Variants in DRC3 observed in about 807,000 individuals in gnomAD.
The protein encoded by DRC3 is dynein regulatory complex subunit 3.
Under a neutral mutation model 57.6 loss-of-function variants are expected in DRC3, and 45 were observed. The observed-to-expected ratio is 0.78, with a 90% CI of 0.62 to 1.00. The LOEUF (loss-of-function observed/expected upper bound fraction) is 1.00. Ranked by LOEUF, DRC3 falls within the 50% of genes least tolerant of loss-of-function variation. DRC3 has a pLI of 0.00. For synonymous variants in DRC3, 257 were observed against 272.3 expected, an observed-to-expected ratio of 0.94 and a Z score of 0.55; for missense variants, 655 against 675.2, an observed-to-expected ratio of 0.97 and a Z score of 0.33.
At chr17:17,998,085 C>G (rs1476382128) in intron 9 of DRC3, among the ~76,000 whole-genome samples, 1 of 152,174 alleles carries the variant, frequency 6.6e-6, no homozygotes, top group African/African-American at 2.4e-5. Flanking sequence ...TGGTTCCTGC[C>G]CTTGTGGGGC....
intron 3 of DRC3, 170 bp downstream of exon 3, chr17:17,977,928 C>A: frequency 1.7e-6 from 1 of 588,092 alleles, no homozygotes; most frequent in Non-Finnish European, 2.9e-6. Flanking sequence ...GTTTGTAAAG[C>A]GTCATACTTA....
At chr17:17,992,302 A>G (rs1006831119) in intron 5 of DRC3, among the ~76,000 whole-genome samples, 2 of 152,264 alleles carry the variant, frequency 1.3e-5, no homozygotes, top group African/African-American at 4.8e-5. Flanking sequence ...TAAATTTAAA[A>G]GATTTTTAAA....
At chr17:18,012,518 T>TA (rs1369209734) in intron 12 of DRC3, among the ~76,000 whole-genome samples, 3 of 151,942 alleles carry the variant, frequency 2.0e-5, no homozygotes, top group Non-Finnish European at 4.4e-5. Flanking sequence ...CACCTCTCTA[T>TA]AAAAAATACA....
chr17:18,006,405 G>A (rs1467847163), intron 11 of DRC3, 152 bp downstream of exon 11: 5 of 627,656 alleles, frequency 8.0e-6, no homozygotes, highest in African/African-American at 1.8e-5. Flanking sequence ...TGGTTTGGAT[G>A]CCCAGAGGGA....
At chr17:17,977,878 A>G in intron 3 of DRC3, 120 bp downstream of exon 3, 1 of 1,007,696 alleles carries the variant, frequency 9.9e-7, no homozygotes, top group Non-Finnish European at 1.4e-6. Context: ...CATCAGCATT[A>G]GGGCCTACCT....
At chr17:17,996,221 T>C (rs955603369) in intron 8 of DRC3, among the ~76,000 whole-genome samples, 1 of 152,184 alleles carries the variant, frequency 6.6e-6, no homozygotes, top group African/African-American at 2.4e-5. Flanking sequence ...GGTTTCACTA[T>C]GTTGGTCAGG....
At chr17:18,009,909 G>C (rs916878038) in intron 12 of DRC3, among the ~76,000 whole-genome samples, 1 of 152,190 alleles carries the variant, frequency 6.6e-6, no homozygotes, top group African/African-American at 2.4e-5. Flanking sequence ...AAAGCAGAAC[G>C]TACATGCTGA....
chr17:18,004,286 AC>A, intron 9 of DRC3, 76 bp from the exon 10 acceptor site: 1 of 1,511,762 alleles, frequency 6.6e-7, no homozygotes, highest in East Asian at 2.5e-5. Flanking sequence ...ATTCTTACCC[AC>A]AAAACCAAAT....
intron 6 of DRC3, 152 bp from the exon 7 acceptor site, chr17:17,994,147 G>A (rs2043351204): frequency 2.0e-6 from 2 of 996,770 alleles, no homozygotes; most frequent in Non-Finnish European, 1.4e-6. Flanking sequence ...TCTCATCCAC[G>A]AGACCTCATG....
intron 3 of DRC3, among the ~76,000 whole-genome samples, chr17:17,982,917 A>C (rs534960409): frequency 2.0e-5 from 3 of 152,270 alleles, no homozygotes; most frequent in Non-Finnish European, 4.4e-5. Context: ...AAATCATTAC[A>C]AAAGCAAATA....
chr17:18,007,591 C>T, intron 12 of DRC3: 1 of 1,457,130 alleles, frequency 6.9e-7, no homozygotes, highest in Non-Finnish European at 9.1e-7. Flanking sequence ...ACCAGCACAT[C>T]CACTGATGAA....
intron 2 of DRC3, chr17:17,977,353 G>C (rs1487284245): frequency 7.7e-6 from 4 of 519,510 alleles, no homozygotes; most frequent in Non-Finnish European, 1.4e-5. Context: ...TGTGGCTGTA[G>C]GGTCAAGGGA....
At chr17:17,983,041 G>A (rs2042784398) in intron 3 of DRC3, among the ~76,000 whole-genome samples, 1 of 152,178 alleles carries the variant, frequency 6.6e-6, no homozygotes, top group African/African-American at 2.4e-5. Flanking sequence ...TTATACATAT[G>A]TGTTTTTCAG....
chr17:17,988,283 C>G (rs1394373800), intron 5 of DRC3, 185 bp downstream of exon 5: 1 of 633,170 alleles, frequency 1.6e-6, no homozygotes. Context: ...CATGCTTACC[C>G]AACAAAATTC....
intron 3 of DRC3, chr17:17,981,049 C>T (rs551258752): frequency 6.4e-6 from 1 of 156,066 alleles, no homozygotes; most frequent in South Asian, 2.0e-4. Flanking sequence ...CCTCTCCACG[C>T]TCCAGGAAAC....
rs903903975 is a variant in DRC3, at chr17:17,986,752, C to G, written c.278-1180C>G. Among the ~76,000 whole-genome samples, 12 of 152,078 alleles carry G rather than the reference C, an allele frequency of 7.9e-5. No homozygotes were observed. The South Asian group carries it at 2.5e-3, about 32-fold the overall frequency. On this transcript the variant is annotated intron_variant, in intron 4 of 13. Transcript: ENST00000399187. ...GTGCTGGGATTACAGGTGTAAGCCA[C>G]TACGCCCAGCCCCAAATCACCTTTT...
chr17:18,003,484 TA>T (rs71155309), intron 9 of DRC3, among the ~76,000 whole-genome samples: 6,505 of 30,052 alleles, frequency 0.22, 495 homozygotes, highest in Non-Finnish European at 0.29. Context: ...ACTACGTCTT[TA>T]AAAAAAAAAA....
At chr17:17,997,730 C>T in intron 9 of DRC3, 96 bp downstream of exon 9, 1 of 1,143,110 alleles carries the variant, frequency 8.7e-7, no homozygotes, top group African/African-American at 1.6e-5. Context: ...ACTCCTGTAC[C>T]CTCTGATGAC....
chr17:17,983,370 C>A (rs2042803372), intron 3 of DRC3, among the ~76,000 whole-genome samples: 1 of 152,196 alleles, frequency 6.6e-6, no homozygotes, highest in South Asian at 2.1e-4. Context: ...CCAAACAGTG[C>A]TCCAAAAAGG....
Sources: allele counts gnomAD v4.1 joint callset (sites outside exome capture counted in the v4.1 genomes callset), GRCh38; gene constraint gnomAD v4.1.1; transcripts MANE v1.5; gene names NCBI Gene and HGNC (gene_info 2026-07-23, HGNC 2026-07-21).